COL4A2: variants seen among roughly 807,000 people sequenced by gnomAD.
The protein encoded by COL4A2 is collagen alpha-2(IV) chain.
In COL4A2, 99 loss-of-function variants were observed where a neutral mutation model predicts 200.2. The ratio of observed to expected loss-of-function variants is 0.49; its 90% confidence interval spans 0.42 to 0.58. The LOEUF (loss-of-function observed/expected upper bound fraction) is 0.58, where lower values mean the gene tolerates loss of function less well. Among genes scored for constraint, COL4A2 ranks in the 20% least tolerant of loss-of-function variants. The pLI is 0.00. For synonymous variants in COL4A2, 897 were observed against 900.6 expected (o/e 1.00, Z 0.07); for missense variants, 1,950 against 2,314.1 (o/e 0.84, Z 3.23).
chr13:110,496,711 C>T (rs1465629646), intron 40 of COL4A2, among the ~76,000 whole-genome samples: 22 of 149,920 alleles, frequency 1.5e-4, no homozygotes, highest in Admixed American at 1.5e-3. Context: ...ACCAGCACAG[C>T]CTCAGCCAGC....
At chr13:110,366,139 A>G (rs184017557) in intron 4 of COL4A2, among the ~76,000 whole-genome samples, 4 of 152,356 alleles carry the variant, frequency 2.6e-5, no homozygotes, top group East Asian at 1.9e-4. Context: ...AGAAATGGCA[A>G]TCTTCAAAGA....
At chr13:110,424,083 T>C (rs1260031988) in intron 4 of COL4A2, among the ~76,000 whole-genome samples, 3 of 152,174 alleles carry the variant, frequency 2.0e-5, no homozygotes, top group African/African-American at 7.2e-5. Context: ...TGATTCTCTT[T>C]TTTTAATGTG....
chr13:110,428,420 C>T (rs757270797), intron 6 of COL4A2, 47 bp from the exon 7 acceptor site: 4 of 1,144,608 alleles, frequency 3.5e-6, no homozygotes, highest in Non-Finnish European at 5.1e-6. Context: ...TACATGACAA[C>T]TAGAAGCCTG....
chr13:110,322,983 C>T (rs536796230), intron 3 of COL4A2, among the ~76,000 whole-genome samples: 15 of 152,344 alleles, frequency 9.8e-5, no homozygotes, highest in Admixed American at 2.6e-4. Flanking sequence ...TAACAAAGGG[C>T]GTGTTGCCAT....
intron 24 of COL4A2, among the ~76,000 whole-genome samples, chr13:110,464,227 C>G (rs1288733480): frequency 6.6e-6 from 1 of 152,180 alleles, no homozygotes; most frequent in Non-Finnish European, 1.5e-5. Flanking sequence ...AGCCTGGCTG[C>G]CAGTCCCAGC....
chr13:110,485,261 C>T (rs867847862), intron 33 of COL4A2, among the ~76,000 whole-genome samples: 86 of 152,284 alleles, frequency 5.6e-4, no homozygotes, highest in Middle Eastern at 3.4e-3. Context: ...CGGTGGCTCA[C>T]GCCTGTAATC....
chr13:110,456,453 G>A (rs1013223994), intron 20 of COL4A2: 9 of 317,508 alleles, frequency 2.8e-5, no homozygotes, highest in Non-Finnish European at 4.9e-5. Flanking sequence ...AGCAGTCTTG[G>A]AATCCAAGTT....
chr13:110,493,162 G>A, intron 38 of COL4A2, 49 bp from the exon 39 acceptor site: 2 of 1,610,658 alleles, frequency 1.2e-6, no homozygotes, highest in Non-Finnish European at 1.7e-6. Context: ...ATAACGATGA[G>A]TGACACCCCC....
chr13:110,438,687 A>G lies in COL4A2; in HGVS notation c.912+19A>G. On this transcript the variant is annotated intron_variant, in intron 15 of 47. Transcript: ENST00000360467. ...ACTGAGGGTAAACCACGCCTTTTAT[A>G]ACTGCAGTTGTCGGTTTGGTTTGGT... 1 of 1,614,088 alleles carries G rather than the reference A, an allele frequency of 6.2e-7. No homozygotes were observed. The highest frequency in any genetic ancestry group is 8.5e-7 in the Non-Finnish European group (1 of 1,179,970).
chr13:110,316,505 G>C (rs754452718), intron 3 of COL4A2, among the ~76,000 whole-genome samples: 4 of 152,184 alleles, frequency 2.6e-5, no homozygotes, highest in Non-Finnish European at 4.4e-5. Context: ...AGTGACACTG[G>C]CTCCAGATTA....
intron 21 of COL4A2, 106 bp from the exon 22 acceptor site, chr13:110,458,664 TA>T: frequency 7.3e-7 from 1 of 1,372,616 alleles, no homozygotes; most frequent in Non-Finnish European, 1.0e-6. Context: ...GCAGTGTCCA[TA>T]AAGCACCAAG....
chr13:110,468,424 CG>C, intron 27 of COL4A2: 1 of 432,452 alleles, frequency 2.3e-6, no homozygotes, highest in Admixed American at 2.5e-5. Flanking sequence ...GAGGCCAGCA[CG>C]CTCAGCACAC....
At chr13:110,391,721 G>A (rs1340195921) in intron 4 of COL4A2, among the ~76,000 whole-genome samples, 1 of 152,186 alleles carries the variant, frequency 6.6e-6, no homozygotes, top group Non-Finnish European at 1.5e-5. Context: ...ATTGGGATTC[G>A]AGGTAGACAA....
intron 39 of COL4A2, among the ~76,000 whole-genome samples, chr13:110,494,634 G>A (rs1396411186): frequency 6.6e-6 from 1 of 151,868 alleles, no homozygotes; most frequent in Non-Finnish European, 1.5e-5. Flanking sequence ...AACCCGGGAG[G>A]CGGAGCTTGC....
At chr13:110,480,148 C>A in intron 30 of COL4A2, 72 bp from the exon 31 acceptor site, 1 of 1,449,742 alleles carries the variant, frequency 6.9e-7, no homozygotes, top group Non-Finnish European at 9.3e-7. Flanking sequence ...CACTCAATGC[C>A]GTAAAAGCAG....
In COL4A2 at chr13:110,443,597, C is replaced by A. The variant is rs1044764159; in HGVS notation, c.958-2232C>A. Among the ~76,000 whole-genome samples the A allele has an allele frequency of 2.6e-5, 4 of 152,256 alleles. No individual in the cohort carries two copies. In the East Asian group the frequency reaches 7.7e-4, roughly 29 times the overall value. On this transcript the variant is annotated intron_variant, in intron 16 of 47. Transcript: ENST00000360467. ...TAAGTTATTAGATTTGGGGGAGGGCCGGGGAGAAAGGAGGTTGCAGTTTCA... is the reference window on the plus strand; with the variant it reads ...TAAGTTATTAGATTTGGGGGAGGGCAGGGGAGAAAGGAGGTTGCAGTTTCA...
intron 3 of COL4A2, among the ~76,000 whole-genome samples, chr13:110,342,264 A>G (rs1006213844): frequency 1.3e-5 from 2 of 152,252 alleles, no homozygotes; most frequent in Admixed American, 1.3e-4. Context: ...AGAGAAATTG[A>G]TGGTACCTAG....
chr13:110,385,487 A>C (rs1878664027), intron 4 of COL4A2, among the ~76,000 whole-genome samples: 1 of 143,514 alleles, frequency 7.0e-6, no homozygotes, highest in African/African-American at 2.5e-5. Flanking sequence ...CAGTGTGTGG[A>C]TAGGCCGTGG....
At chr13:110,484,722 AC>A (rs1203136081) in intron 32 of COL4A2, among the ~76,000 whole-genome samples, 182 bp from the exon 33 acceptor site, 3 of 151,860 alleles carry the variant, frequency 2.0e-5, no homozygotes, top group Non-Finnish European at 4.4e-5. Flanking sequence ...CCCTGGAGCC[AC>A]CCCCAACTCC....
Sources: gnomAD v4.1 joint callset for allele counts (sites outside exome capture counted in the v4.1 genomes callset) on GRCh38, gnomAD v4.1.1 for gene constraint, MANE v1.5 for transcripts, NCBI Gene and HGNC (gene_info 2026-07-23, HGNC 2026-07-21) for gene names.